Variants in RIMS2 observed in about 807,000 individuals in gnomAD.
RIMS2 encodes regulating synaptic membrane exocytosis protein 2.
In RIMS2, 59 loss-of-function variants were observed where a neutral mutation model predicts 174.4. The ratio of observed to expected loss-of-function variants is 0.34; its 90% CI spans 0.27 to 0.42. The LOEUF is 0.42. RIMS2 is among the 10% of genes least tolerant of loss of function. The pLI, the probability that RIMS2 is intolerant of heterozygous loss-of-function variation, is 1.00. For synonymous variants in RIMS2, 606 were observed against 572.5 expected (o/e 1.06, Z -0.84); for missense variants, 1,620 against 1,666.3 (o/e 0.97, Z 0.48).
At chr8:103,846,446 C>A (rs1311053696) in intron 3 of RIMS2, among the ~76,000 whole-genome samples, 1 of 152,118 alleles carries the variant, frequency 6.6e-6, no homozygotes, top group Non-Finnish European at 1.5e-5. Flanking sequence ...GAATATAAAT[C>A]CTTCCTCAGT....
chr8:103,657,510 G>A (rs1258515758), intron 1 of RIMS2, among the ~76,000 whole-genome samples: 4 of 152,104 alleles, frequency 2.6e-5, no homozygotes, highest in African/African-American at 9.7e-5. Context: ...GAAATTTTAG[G>A]ATGCCAAAAG....
Position 103,802,321 on chromosome 8 carries a change from A to T in RIMS2, c.698+35784A>T, listed in dbSNP as rs147487345. On this transcript the variant is annotated intron_variant, in intron 3 of 23. Transcript: ENST00000504942. ...ATCCTTTTTCACAGATATTTTACAG[A>T]TATATTAGCAGTAGAAGTATATATG... is the stretch of plus-strand genomic sequence containing the variant. 2.0e-5 allele frequency among the ~76,000 whole-genome samples: 3 copies of T among 152,196 alleles called. No homozygotes were observed. The South Asian group carries it at 6.2e-4, about 31-fold the overall frequency.
intron 17 of RIMS2, among the ~76,000 whole-genome samples, chr8:103,995,904 T>G (rs1031768892): frequency 6.6e-6 from 1 of 151,920 alleles, no homozygotes; most frequent in Admixed American, 6.6e-5. Flanking sequence ...GGCATCAGAA[T>G]AAGCAAGGCT....
intron 19 of RIMS2, among the ~76,000 whole-genome samples, chr8:104,084,635 G>T (rs1566268013): frequency 6.6e-6 from 1 of 151,002 alleles, no homozygotes; most frequent in Admixed American, 6.6e-5. Context: ...CATTTTCATG[G>T]TTTTTTTTCA....
At chr8:104,219,718 T>G (rs2511566) in intron 19 of RIMS2, among the ~76,000 whole-genome samples, 50,544 of 151,866 alleles carry the variant, frequency 0.33, 8,699 homozygotes, top group African/African-American at 0.43. Context: ...ATAAATTAAT[T>G]GGAAAGTTAT....
chr8:104,200,692 A>C (rs2099050371), intron 19 of RIMS2, among the ~76,000 whole-genome samples: 1 of 152,328 alleles, frequency 6.6e-6, no homozygotes, highest in African/African-American at 2.4e-5. Context: ...GGATCACTTA[A>C]GCCAGGACTT....
At chr8:103,978,663 T>A (rs1565644222) in intron 16 of RIMS2, among the ~76,000 whole-genome samples, 1 of 152,236 alleles carries the variant, frequency 6.6e-6, no homozygotes, top group Non-Finnish European at 1.5e-5. Context: ...TGGACAAATT[T>A]GTTCCTTAAT....
chr8:103,690,336 G>T (rs1445775075), intron 1 of RIMS2, among the ~76,000 whole-genome samples: 1 of 152,006 alleles, frequency 6.6e-6, no homozygotes, highest in Non-Finnish European at 1.5e-5. Context: ...CTGCCATTTT[G>T]TTTTTTATGG....
intron 1 of RIMS2, among the ~76,000 whole-genome samples, chr8:103,577,601 A>G (rs1348405137): frequency 1.3e-5 from 2 of 152,238 alleles, no homozygotes; most frequent in Non-Finnish European, 2.9e-5. Flanking sequence ...CCCAGAACTT[A>G]AAGTATAATT....
At chr8:104,203,519 T>G (rs33916726) in intron 19 of RIMS2, among the ~76,000 whole-genome samples, 2 of 98,512 alleles carry the variant, frequency 2.0e-5, no homozygotes, top group Non-Finnish European at 4.0e-5. Context: ...TTTTTTTTTT[T>G]GTGAGATGGA....
At chr8:103,858,077 AC>A (rs2154496058) in intron 3 of RIMS2, among the ~76,000 whole-genome samples, 1 of 152,330 alleles carries the variant, frequency 6.6e-6, no homozygotes, top group African/African-American at 2.4e-5. Flanking sequence ...TTCTTGTTGT[AC>A]AGAGAAATAA....
chr8:103,903,576 A>C (rs1172449331), intron 4 of RIMS2, among the ~76,000 whole-genome samples: 1 of 152,158 alleles, frequency 6.6e-6, no homozygotes, highest in African/African-American at 2.4e-5. Context: ...AATAGAAGTA[A>C]GTGAAGGGGA....
chr8:104,021,569 A>G (rs1004879620), intron 19 of RIMS2, among the ~76,000 whole-genome samples: 1 of 152,204 alleles, frequency 6.6e-6, no homozygotes, highest in African/African-American at 2.4e-5. Flanking sequence ...ATGTGTCAAG[A>G]TCGTATCTTT....
chr8:103,620,842 T>C (rs1021069664), intron 1 of RIMS2, among the ~76,000 whole-genome samples: 2 of 152,184 alleles, frequency 1.3e-5, no homozygotes, highest in African/African-American at 4.8e-5. Context: ...AATTTTCTTT[T>C]CAAAATTTAA....
chr8:104,025,933 A>G (rs993080046), intron 19 of RIMS2, among the ~76,000 whole-genome samples: 2 of 152,180 alleles, frequency 1.3e-5, no homozygotes, highest in Admixed American at 1.3e-4. Flanking sequence ...TAGGAGCAAT[A>G]AGCTATATCA....
At chr8:103,798,997 A>G (rs369537208) in intron 3 of RIMS2, among the ~76,000 whole-genome samples, 3 of 151,498 alleles carry the variant, frequency 2.0e-5, no homozygotes, top group Non-Finnish European at 2.9e-5. Flanking sequence ...GAAAATGCCT[A>G]TTGTTGAGTT....
At chr8:103,787,663 C>T (rs1203632706) in intron 3 of RIMS2, among the ~76,000 whole-genome samples, 1 of 152,178 alleles carries the variant, frequency 6.6e-6, no homozygotes, top group Non-Finnish European at 1.5e-5. Context: ...ATGGGCTTCC[C>T]TTTGAGGGTA....
At chr8:103,705,817 G>T (rs1590775467) in intron 2 of RIMS2, among the ~76,000 whole-genome samples, 1 of 150,882 alleles carries the variant, frequency 6.6e-6, no homozygotes, top group Non-Finnish European at 1.5e-5. Flanking sequence ...TTTCTTCTAG[G>T]CAGCATATAT....
chr8:103,793,300 C>G (rs1191263068), intron 3 of RIMS2, among the ~76,000 whole-genome samples: 4 of 152,094 alleles, frequency 2.6e-5, no homozygotes, highest in African/African-American at 9.7e-5. Flanking sequence ...TAAACGTAAC[C>G]CCTCATATAA....
Sources: allele counts gnomAD v4.1 joint callset (sites outside exome capture counted in the v4.1 genomes callset), GRCh38; gene constraint gnomAD v4.1.1; transcripts MANE v1.5; gene names NCBI Gene and HGNC (gene_info 2026-07-23, HGNC 2026-07-21).